CBX5: variants seen among roughly 807,000 people sequenced by gnomAD.
The protein encoded by CBX5 is chromobox protein homolog 5.
Under a neutral mutation model 20.7 loss-of-function variants are expected in CBX5, and 7 were observed. The observed-to-expected ratio is 0.34, with a 90% CI of 0.19 to 0.63. The LOEUF (loss-of-function observed/expected upper bound fraction) is 0.63, where lower values mean the gene tolerates loss of function less well. Among genes scored for constraint, CBX5 ranks in the 30% least tolerant of loss-of-function variants. The pLI is 0.75. For missense variants in CBX5, 110 were observed against 224.1 expected (o/e 0.49, Z 3.25); for synonymous variants, 78 against 77.0 (o/e 1.01, Z -0.07).
intron 4 of CBX5, among the ~76,000 whole-genome samples, chr12:54,243,093 C>T (rs529800076): frequency 1.4e-3 from 210 of 152,114 alleles, no homozygotes; most frequent in Non-Finnish European, 2.1e-3. Flanking sequence ...CACTGCACTC[C>T]AGCCTGGGCA....
chr12:54,279,584 C>T (rs1327229424), intron 1 of CBX5, among the ~76,000 whole-genome samples: 1 of 152,192 alleles, frequency 6.6e-6, no homozygotes, highest in Non-Finnish European at 1.5e-5. Context: ...TGTCCGTCTA[C>T]TGGTTCCAGA....
At chr12:54,278,461 G>A (rs1311381836) in intron 1 of CBX5, among the ~76,000 whole-genome samples, 3 of 152,168 alleles carry the variant, frequency 2.0e-5, no homozygotes, top group Admixed American at 6.5e-5. Flanking sequence ...TCTCTCCTCT[G>A]TTCATAAACT....
intron 4 of CBX5, among the ~76,000 whole-genome samples, 185 bp from the exon 5 acceptor site, chr12:54,242,090 T>C (rs1214570937): frequency 5.3e-5 from 8 of 152,168 alleles, no homozygotes; most frequent in Non-Finnish European, 1.0e-4. Flanking sequence ...AGCTAATATA[T>C]TATACAGAAA....
intron 1 of CBX5, chr12:54,271,895 C>T (rs1181257319): frequency 2.6e-5 from 4 of 152,104 alleles, no homozygotes; most frequent in Non-Finnish European, 5.9e-5. Context: ...CTTATCCATG[C>T]TTGTCTCTAC....
intron 1 of CBX5, among the ~76,000 whole-genome samples, chr12:54,267,466 A>T (rs553943467): frequency 6.6e-6 from 1 of 152,258 alleles, no homozygotes; most frequent in African/African-American, 2.4e-5. Context: ...TCATTTCAAC[A>T]AATCATCCAT....
chr12:54,235,418 T>A lies in CBX5; in HGVS notation c.*6337A>T, dbSNP rs1943609927. 1 of 152,114 alleles carries A rather than the reference T, an allele frequency of 6.6e-6. No individual in the cohort carries two copies. Among genetic ancestry groups the A allele is most frequent in the Non-Finnish European group, 1.5e-5 (1 of 68,068 alleles). The allele number at this position is 152,114 out of a possible 1,614,324, so 9.4% of individuals were successfully genotyped here. ...TCATGAGGTCAGGAGATTGAGACCA[T>A]CCTGGCTAACAAGGTGAAACCCCGT... On this transcript the variant is annotated 3_prime_UTR_variant, in exon 5 of 5. Coordinates refer to ENST00000209875, the MANE Select transcript of CBX5 (RefSeq NM_012117.3).
intron 3 of CBX5, among the ~76,000 whole-genome samples, 179 bp downstream of exon 3, chr12:54,251,862 T>C (rs1436848426): frequency 6.6e-6 from 1 of 152,176 alleles, no homozygotes; most frequent in Non-Finnish European, 1.5e-5. Context: ...ATTACATTTC[T>C]CACTTAGCCA....
intron 1 of CBX5, among the ~76,000 whole-genome samples, chr12:54,275,151 T>C (rs1020557445): frequency 1.1e-4 from 17 of 152,176 alleles, no homozygotes; most frequent in African/African-American, 3.9e-4. Context: ...ACTACCCAAA[T>C]TGAAGCTTTC....
chr12:54,262,341 T>C (rs567355254), intron 1 of CBX5, among the ~76,000 whole-genome samples: 59 of 152,210 alleles, frequency 3.9e-4, no homozygotes, highest in Non-Finnish European at 7.8e-4. Context: ...AAAATAAAGA[T>C]TGAGTTCAAT....
In CBX5 at chr12:54,236,684, G is replaced by C. The variant is rs1943626319; in HGVS notation, c.*5071C>G. 1 of 152,070 alleles carries C rather than the reference G, an allele frequency of 6.6e-6. No homozygotes were observed. Among genetic ancestry groups the C allele is most frequent in the South Asian group, 2.1e-4 (1 of 4,830 alleles). 9.4% of individuals were successfully genotyped at this position (152,070 alleles called of 1,614,324 possible). A position where few individuals can be genotyped will look rare whatever the true frequency, so the allele number is the denominator to read the frequency against. ...AATGATGGGATCATGGGTGCAAAGT[G>C]GGTTTTTCCTTTAAATTGTGAGAAA... is the stretch of plus-strand genomic sequence containing the variant. On this transcript the variant is annotated 3_prime_UTR_variant, in exon 5 of 5. Coordinates refer to ENST00000209875, the MANE Select transcript of CBX5 (RefSeq NM_012117.3).
chr12:54,270,919 A>G (rs1457794784), intron 1 of CBX5, among the ~76,000 whole-genome samples: 1 of 152,192 alleles, frequency 6.6e-6, no homozygotes, highest in Non-Finnish European at 1.5e-5. Context: ...GTGGCTGAGC[A>G]TGGTGGCACA....
rs1379351941 is a variant in CBX5, at chr12:54,240,050, C to T, written c.*1705G>A. The T allele has an allele frequency of 6.6e-6, 1 of 152,212 alleles. No individual in the cohort carries two copies. The highest frequency in any genetic ancestry group is 1.5e-5 in the Non-Finnish European group (1 of 68,040). The allele number at this position is 152,212 out of a possible 1,614,324, so 9.4% of individuals were successfully genotyped here. A position where few individuals can be genotyped will look rare whatever the true frequency, so the allele number is the denominator to read the frequency against. On this transcript the variant is annotated 3_prime_UTR_variant, in exon 5 of 5. Transcript: ENST00000209875. Reference sequence around the variant, plus strand: ...TAAAAATCAAAAACAACAAGAAAAGCAGCCTCATGGCTGGTGCGCTCTAGA... The same window carrying T: ...TAAAAATCAAAAACAACAAGAAAAGTAGCCTCATGGCTGGTGCGCTCTAGA...
At chr12:54,253,547 C>T (rs1943830545) in intron 2 of CBX5, among the ~76,000 whole-genome samples, 1 of 151,938 alleles carries the variant, frequency 6.6e-6, no homozygotes, top group Non-Finnish European at 1.5e-5. Context: ...AGCAACATAG[C>T]AAGACTCCTG....
At chr12:54,253,845 C>T (rs1446115276) in intron 2 of CBX5, among the ~76,000 whole-genome samples, 1 of 151,180 alleles carries the variant, frequency 6.6e-6, no homozygotes, top group African/African-American at 2.4e-5. Context: ...TCGCTGCAAC[C>T]TGTCTCCTGG....
intron 1 of CBX5, chr12:54,258,020 C>G (rs1360727321): frequency 5.8e-6 from 1 of 171,962 alleles, no homozygotes; most frequent in African/African-American, 2.4e-5. Context: ...GGAACTCAAA[C>G]AGAAATGTGC....
At chr12:54,262,334 A>G (rs1378087149) in intron 1 of CBX5, among the ~76,000 whole-genome samples, 2 of 152,258 alleles carry the variant, frequency 1.3e-5, no homozygotes, top group Non-Finnish European at 2.9e-5. Flanking sequence ...ACATCAGAAA[A>G]TAAAGATTGA....
intron 2 of CBX5, among the ~76,000 whole-genome samples, chr12:54,253,839 T>C (rs891377466): frequency 3.3e-5 from 5 of 151,048 alleles, no homozygotes; most frequent in African/African-American, 1.2e-4. Context: ...ATCGGCTCGC[T>C]GCAACCTGTC....
Position 54,236,349 on chromosome 12 carries a change from G to T in CBX5, c.*5406C>A, listed in dbSNP as rs1407871182. On this transcript the variant is annotated 3_prime_UTR_variant, in exon 5 of 5. Transcript: ENST00000209875. The stretch of plus-strand genomic sequence containing the variant: ...CAGGGATGGCCTCTTTCTGAACCTT[G>T]TATCTTCAGGCCAAAAAAATGTCTG... 1 of 152,106 alleles carries T rather than the reference G, an allele frequency of 6.6e-6. No individual in the cohort carries two copies. Among genetic ancestry groups the T allele is most frequent in the South Asian group, 2.1e-4 (1 of 4,830 alleles). 9.4% of individuals were successfully genotyped at this position (152,106 alleles called of 1,614,324 possible). A position where few individuals can be genotyped will look rare whatever the true frequency, so the allele number is the denominator to read the frequency against.
chr12:54,279,754 G>A (rs977985060), intron 1 of CBX5, among the ~76,000 whole-genome samples: 3 of 152,102 alleles, frequency 2.0e-5, no homozygotes, highest in Admixed American at 6.5e-5. Flanking sequence ...ATGGCCCAAG[G>A]GCCGATCAGT....
Sources: allele counts gnomAD v4.1 joint callset (sites outside exome capture counted in the v4.1 genomes callset), GRCh38; gene constraint gnomAD v4.1.1; transcripts MANE v1.5; gene names NCBI Gene and HGNC (gene_info 2026-07-23, HGNC 2026-07-21).